Variants in NELL2 observed in about 807,000 individuals in gnomAD.
NELL2 encodes the protein neural EGFL like 2.
A neutral mutation model predicts 109.6 loss-of-function variants in NELL2; 41 were observed. The ratio of observed to expected loss-of-function variants is 0.37; its 90% CI spans 0.29 to 0.49. The LOEUF (loss-of-function observed/expected upper bound fraction) is 0.49. NELL2 is among the 20% of genes least tolerant of loss of function. The pLI, the probability that NELL2 is intolerant of heterozygous loss-of-function variation, is 0.98. For missense variants in NELL2, 900 were observed against 1,008.3 expected (o/e 0.89, Z 1.45); for synonymous variants, 355 against 344.7 (o/e 1.03, Z -0.33).
chr12:44,575,168 G>A (rs1362903057), intron 15 of NELL2, among the ~76,000 whole-genome samples: 1 of 152,140 alleles, frequency 6.6e-6, no homozygotes, highest in Admixed American at 6.5e-5. Flanking sequence ...AGTCAGTAAA[G>A]CAAATACTTG....
chr12:44,689,118 G>A (rs1948821434), intron 12 of NELL2, among the ~76,000 whole-genome samples: 1 of 152,166 alleles, frequency 6.6e-6, no homozygotes, highest in African/African-American at 2.4e-5. Context: ...TGCACTCGGT[G>A]TTCCTATGAG....
Position 44,876,261 on chromosome 12 carries a change from C to T in NELL2, c.-392G>A. ...CCAAGAAAGCCCGGGCTGGGGCGGCCCCGCACCCCCCCGTCTTCCCCGCCG... is the reference window on the plus strand; with the variant it reads ...CCAAGAAAGCCCGGGCTGGGGCGGCTCCGCACCCCCCCGTCTTCCCCGCCG... On this transcript the variant is annotated 5_prime_UTR_variant, in exon 1 of 20. Transcript: ENST00000429094. 3.4e-6 allele frequency: 4 copies of T among 1,161,604 alleles called. No individual in the cohort carries two copies. The highest frequency in any genetic ancestry group is 4.3e-6 in the Non-Finnish European group (4 of 940,698). 72.0% of individuals were successfully genotyped at this position (1,161,604 alleles called of 1,614,324 possible). A position where few individuals can be genotyped will look rare whatever the true frequency, so the allele number is the denominator to read the frequency against.
chr12:44,644,358 G>A (rs891403016), intron 13 of NELL2, among the ~76,000 whole-genome samples: 2 of 151,712 alleles, frequency 1.3e-5, no homozygotes, highest in Non-Finnish European at 2.9e-5. Flanking sequence ...GCAAGGTAAC[G>A]AAGAAATGGA....
At chr12:44,729,029 T>C (rs1030954785) in intron 9 of NELL2, among the ~76,000 whole-genome samples, 2 of 151,936 alleles carry the variant, frequency 1.3e-5, no homozygotes, top group African/African-American at 4.8e-5. Context: ...AACACGAAAG[T>C]ATATAAAAGT....
Position 44,531,416 on chromosome 12 carries a change from G to C in NELL2, c.1804+1165C>G, listed in dbSNP as rs1322070266. Among the ~76,000 whole-genome samples, 6 of 152,122 alleles carry C rather than the reference G, an allele frequency of 3.9e-5. No individual in the cohort carries two copies. The South Asian group carries it at 1.2e-3, about 32-fold the overall frequency. The stretch of plus-strand genomic sequence containing the variant: ...GGTTCCTGGCATTCTCTCCAGGGCT[G>C]GAAATGTTCACTCTGGAACATTCAC... On this transcript the variant is annotated intron_variant, in intron 16 of 19. Coordinates refer to ENST00000429094, the MANE Select transcript of NELL2 (RefSeq NM_001145108.2).
intron 13 of NELL2, among the ~76,000 whole-genome samples, chr12:44,657,537 T>C (rs1241094036): frequency 4.6e-5 from 7 of 152,196 alleles, no homozygotes; most frequent in Non-Finnish European, 8.8e-5. Flanking sequence ...ACGTGCAGGT[T>C]GTCACATAGG....
chr12:44,884,875 C>A (rs1163690705), intron 1 of NELL2, among the ~76,000 whole-genome samples: 1 of 151,900 alleles, frequency 6.6e-6, no homozygotes, highest in Non-Finnish European at 1.5e-5. Flanking sequence ...CACTGCAAAG[C>A]AAAATAAAAG....
rs1257448173 is a variant in NELL2, at chr12:44,779,532, AT to A, written c.606+130del. 42 of 711,108 alleles carry A rather than the reference AT, an allele frequency of 5.9e-5. No homozygotes were observed. In the African/African-American group the frequency reaches 6.8e-4, roughly 12 times the overall value. 44.0% of individuals were successfully genotyped at this position (711,108 alleles called of 1,614,324 possible). On this transcript the variant is annotated intron_variant, in intron 5 of 19. Coordinates refer to ENST00000429094, the MANE Select transcript of NELL2 (RefSeq NM_001145108.2). ...GGCTAAAATATTACTGTTTAAAAAA[AT>A]GAAACAGACACAAATTTTCTAATTT...
chr12:44,659,574 T>C (rs1337239028), intron 13 of NELL2, among the ~76,000 whole-genome samples: 2 of 152,200 alleles, frequency 1.3e-5, no homozygotes, highest in African/African-American at 4.8e-5. Context: ...AAGACATTCA[T>C]GTGGCCAAGA....
At chr12:44,847,145 A>G (rs556344588) in intron 2 of NELL2, among the ~76,000 whole-genome samples, 2 of 152,326 alleles carry the variant, frequency 1.3e-5, no homozygotes, top group Non-Finnish European at 2.9e-5. Flanking sequence ...GGACCACAGT[A>G]ATGGGCAAGG....
intron 2 of NELL2, among the ~76,000 whole-genome samples, chr12:44,822,424 T>C (rs1230392033): frequency 2.6e-5 from 4 of 152,194 alleles, no homozygotes; most frequent in Non-Finnish European, 5.9e-5. Context: ...TATACAAGTT[T>C]TGGCCATCAA....
At chr12:44,747,968 G>A (rs911505027) in intron 9 of NELL2, among the ~76,000 whole-genome samples, 2 of 152,098 alleles carry the variant, frequency 1.3e-5, no homozygotes, top group African/African-American at 4.8e-5. Flanking sequence ...AGATTCGAAG[G>A]CAAGTGGTCT....
intron 2 of NELL2, among the ~76,000 whole-genome samples, chr12:44,872,189 C>T (rs1035073545): frequency 3.3e-5 from 5 of 152,020 alleles, no homozygotes; most frequent in Admixed American, 1.3e-4. Context: ...ACATTCACTC[C>T]TCTAATTTTT....
rs1225937155 is a variant in NELL2, at chr12:44,814,757, C to T, written c.335+1229G>A. 5.9e-5 allele frequency among the ~76,000 whole-genome samples: 9 copies of T among 152,194 alleles called. No homozygotes were observed. In the East Asian group the frequency reaches 1.7e-3, roughly 29 times the overall value. On this transcript the variant is annotated intron_variant, in intron 3 of 19. Transcript: ENST00000429094. ...AGCGAGATAGTATGTCCCTAGGAAC[C>T]TTCCTCACTAAGTCAGCCTTGCTAT...
At chr12:44,605,999 C>T (rs1945387978) in intron 15 of NELL2, among the ~76,000 whole-genome samples, 1 of 152,102 alleles carries the variant, frequency 6.6e-6, no homozygotes, top group Non-Finnish European at 1.5e-5. Flanking sequence ...GACTCTCATG[C>T]ACAATAAATT....
At chr12:44,525,696 G>A (rs959306430) in intron 16 of NELL2, among the ~76,000 whole-genome samples, 1 of 152,186 alleles carries the variant, frequency 6.6e-6, no homozygotes, top group African/African-American at 2.4e-5. Context: ...TTTAGTGAGC[G>A]ATTATTGAAG....
At chr12:44,570,143 G>A (rs1046044408) in intron 15 of NELL2, among the ~76,000 whole-genome samples, 3 of 152,120 alleles carry the variant, frequency 2.0e-5, no homozygotes, top group East Asian at 3.8e-4. Context: ...AATGTAATAC[G>A]GAATTATAGT....
chr12:44,918,793 C>T (rs1945847914), upstream of NELL2, among the ~76,000 whole-genome samples: 1 of 152,072 alleles, frequency 6.6e-6, no homozygotes, highest in African/African-American at 2.4e-5. Flanking sequence ...AGGTGTCATG[C>T]AGAGGAGATT....
At chr12:44,597,974 T>C (rs1253139623) in intron 15 of NELL2, among the ~76,000 whole-genome samples, 1 of 152,158 alleles carries the variant, frequency 6.6e-6, no homozygotes, top group Non-Finnish European at 1.5e-5. Flanking sequence ...GTTCCTACAA[T>C]TTGAATAGCT....
Sources: allele counts gnomAD v4.1 joint callset (sites outside exome capture counted in the v4.1 genomes callset), GRCh38; gene constraint gnomAD v4.1.1; transcripts MANE v1.5; gene names NCBI Gene and HGNC (gene_info 2026-07-23, HGNC 2026-07-21).